Variants in UNC5D observed in about 807,000 individuals in gnomAD.
UNC5D encodes unc-5 netrin receptor D.
A neutral mutation model predicts 105.4 loss-of-function variants in UNC5D; 39 were observed. That is an observed-to-expected ratio of 0.37 (90% CI 0.29 to 0.48). UNC5D has a LOEUF of 0.48. Among genes scored for constraint, UNC5D ranks in the 20% least tolerant of loss-of-function variants. The probability of loss-of-function intolerance (pLI) is 0.98; values close to 1 mark genes in which losing one functional copy is unlikely to be tolerated. For missense variants in UNC5D, 991 were observed against 1,202.4 expected (o/e 0.82, Z 2.60); for synonymous variants, 452 against 450.4 (o/e 1.00, Z -0.04).
At chr8:35,739,062 G>A (rs1052178660) in intron 11 of UNC5D, among the ~76,000 whole-genome samples, 4 of 152,164 alleles carry the variant, frequency 2.6e-5, no homozygotes, top group Admixed American at 2.0e-4. Flanking sequence ...GGCTTTTTCT[G>A]TTAATGCAAG....
chr8:35,599,876 T>C (rs1171395918), intron 4 of UNC5D, among the ~76,000 whole-genome samples: 2 of 152,216 alleles, frequency 1.3e-5, no homozygotes, highest in African/African-American at 4.8e-5. Flanking sequence ...TAAGTATACA[T>C]GCGCCATGTT....
At chr8:35,548,638 A>G (rs1316995733) in intron 1 of UNC5D, among the ~76,000 whole-genome samples, 1 of 152,178 alleles carries the variant, frequency 6.6e-6, no homozygotes, top group Admixed American at 6.5e-5. Flanking sequence ...GCTCAGAGCT[A>G]TTAGCGATTT....
chr8:35,268,022 ATATT>A (rs1805010729), intron 1 of UNC5D, among the ~76,000 whole-genome samples: 1 of 152,234 alleles, frequency 6.6e-6, no homozygotes. Flanking sequence ...AATGTTGAGA[ATATT>A]TAAAAGTTAG....
At chr8:35,408,256 G>C (rs1408775384) in intron 1 of UNC5D, among the ~76,000 whole-genome samples, 2 of 151,920 alleles carry the variant, frequency 1.3e-5, no homozygotes, top group Admixed American at 6.6e-5. Context: ...AAACATGAAG[G>C]AACTAGTTTA....
At chr8:35,738,616 A>G (rs991850678) in intron 11 of UNC5D, among the ~76,000 whole-genome samples, 1 of 152,242 alleles carries the variant, frequency 6.6e-6, no homozygotes, top group Non-Finnish European at 1.5e-5. Context: ...CCCTGCATCA[A>G]TTCCTTTGAG....
intron 16 of UNC5D, 77 bp downstream of exon 16, chr8:35,774,554 T>C (rs1315644803): frequency 6.5e-7 from 1 of 1,530,730 alleles, no homozygotes; most frequent in Non-Finnish European, 8.8e-7. Context: ...TGAAACCATG[T>C]AGTTTCTGAG....
chr8:35,728,095 A>AAAAAAAAAAAAAAAAAAATATATAT (rs34672872), intron 10 of UNC5D, among the ~76,000 whole-genome samples: 1 of 110,364 alleles, frequency 9.1e-6, no homozygotes, highest in African/African-American at 5.5e-5. Flanking sequence ...AAAAAAAAAA[A>AAAAAAAAAAAAAAAAAAATATATAT]ATATATATAT....
At chr8:35,239,270 T>C (rs935802493) in intron 1 of UNC5D, among the ~76,000 whole-genome samples, 1 of 152,254 alleles carries the variant, frequency 6.6e-6, no homozygotes, top group Non-Finnish European at 1.5e-5. Flanking sequence ...GTGGATCCTT[T>C]CTGAGCTCTC....
intron 1 of UNC5D, among the ~76,000 whole-genome samples, chr8:35,350,218 A>G (rs941204540): frequency 3.3e-5 from 5 of 151,990 alleles, no homozygotes; most frequent in Non-Finnish European, 7.4e-5. Flanking sequence ...TTAACAGAAA[A>G]ATATTTGGAA....
chr8:35,400,832 A>G (rs1268244308), intron 1 of UNC5D, among the ~76,000 whole-genome samples: 1 of 152,104 alleles, frequency 6.6e-6, no homozygotes, highest in Non-Finnish European at 1.5e-5. Context: ...AAAATTTGTA[A>G]TTGCCACTTT....
intron 8 of UNC5D, chr8:35,721,308 G>A: frequency 1.5e-6 from 1 of 645,464 alleles, no homozygotes; most frequent in Non-Finnish European, 2.8e-6. Context: ...GAGCCATCAT[G>A]GATCTGCTAC....
intron 4 of UNC5D, among the ~76,000 whole-genome samples, chr8:35,602,792 T>C (rs1477638856): frequency 6.6e-6 from 1 of 151,978 alleles, no homozygotes; most frequent in East Asian, 1.9e-4. Context: ...TACATATGTA[T>C]ACATGTGACA....
rs187995130 is a variant in UNC5D, at chr8:35,707,897, A to C, written c.1117+1936A>C. Among the ~76,000 whole-genome samples, 44 of 152,184 alleles carry C rather than the reference A, an allele frequency of 2.9e-4. No individual in the cohort carries two copies. The East Asian group carries it at 6.2e-3, about 21-fold the overall frequency. ...GCAACGGAATCGCTTAAACTGTTTT[A>C]ATTTGTGATTTCTCTAAAAATAAGA... On this transcript the variant is annotated intron_variant, in intron 8 of 16. Transcript: ENST00000404895.
At chr8:35,565,966 TTTC>T (rs1223629333) in intron 2 of UNC5D, among the ~76,000 whole-genome samples, 1 of 152,230 alleles carries the variant, frequency 6.6e-6, no homozygotes, top group African/African-American at 2.4e-5. Context: ...CCCATTCATA[TTTC>T]TTCTTTCATT....
intron 1 of UNC5D, among the ~76,000 whole-genome samples, chr8:35,436,390 G>A (rs1278230356): frequency 2.6e-5 from 4 of 151,872 alleles, no homozygotes; most frequent in South Asian, 2.1e-4. Context: ...ATTACACTTC[G>A]GATAGGATTC....
intron 4 of UNC5D, among the ~76,000 whole-genome samples, chr8:35,603,173 G>A (rs527336234): frequency 2.0e-5 from 3 of 151,864 alleles, no homozygotes; most frequent in East Asian, 1.9e-4. Flanking sequence ...GCTTTCTCTT[G>A]TGGGCATTTA....
intron 1 of UNC5D, among the ~76,000 whole-genome samples, chr8:35,406,063 T>C (rs993377708): frequency 6.6e-6 from 1 of 152,136 alleles, no homozygotes; most frequent in Admixed American, 6.6e-5. Context: ...ATGTGTTTAA[T>C]GAGATTCTTT....
At chr8:35,749,033 G>A (rs914453089) in intron 12 of UNC5D, among the ~76,000 whole-genome samples, 2 of 152,176 alleles carry the variant, frequency 1.3e-5, no homozygotes, top group African/African-American at 2.4e-5. Flanking sequence ...TGTGGCCTCT[G>A]TGGAGTTAGG....
chr8:35,509,723 C>T (rs1047914132), intron 1 of UNC5D, among the ~76,000 whole-genome samples: 1 of 151,824 alleles, frequency 6.6e-6, no homozygotes, highest in African/African-American at 2.4e-5. Flanking sequence ...CACCAAGCAA[C>T]TTTCTGGCAG....
Sources: allele counts gnomAD v4.1 joint callset (sites outside exome capture counted in the v4.1 genomes callset), GRCh38; gene constraint gnomAD v4.1.1; transcripts MANE v1.5; gene names NCBI Gene and HGNC (gene_info 2026-07-23, HGNC 2026-07-21).